KCND2: variants seen among roughly 807,000 people sequenced by gnomAD.
The protein encoded by KCND2 is potassium voltage-gated channel subfamily D member 2.
Under a neutral mutation model 54.4 loss-of-function variants are expected in KCND2, and 16 were observed. That is an observed-to-expected ratio of 0.29 (90% CI 0.20 to 0.45). The LOEUF (loss-of-function observed/expected upper bound fraction) is 0.45, where lower values mean the gene tolerates loss of function less well. Ranked by LOEUF, KCND2 falls within the 20% of genes least tolerant of loss-of-function variation. The pLI, the probability that KCND2 is intolerant of heterozygous loss-of-function variation, is 1.00. For missense variants in KCND2, 486 were observed against 824.2 expected (o/e 0.59, Z 5.02); for synonymous variants, 317 against 310.7 (o/e 1.02, Z -0.21).
At chr7:120,559,410 T>C (rs1792205446) in intron 1 of KCND2, among the ~76,000 whole-genome samples, 1 of 152,144 alleles carries the variant, frequency 6.6e-6, no homozygotes, top group Non-Finnish European at 1.5e-5. Context: ...TTCTTCTCAT[T>C]CTGCAGATGA....
intron 1 of KCND2, among the ~76,000 whole-genome samples, chr7:120,690,878 G>A (rs151247394): frequency 7.2e-5 from 11 of 152,272 alleles, no homozygotes; most frequent in African/African-American, 2.4e-4. Flanking sequence ...GTATGTTAGA[G>A]GGTAATGCAT....
intron 1 of KCND2, among the ~76,000 whole-genome samples, chr7:120,299,725 A>G (rs1428524970): frequency 6.6e-6 from 1 of 152,180 alleles, no homozygotes; most frequent in Non-Finnish European, 1.5e-5. Context: ...CGTTCCACAG[A>G]GTAGAAAGAA....
At chr7:120,728,273 GTTC>G (rs1357961054) in intron 1 of KCND2, among the ~76,000 whole-genome samples, 31 of 149,246 alleles carry the variant, frequency 2.1e-4, no homozygotes, top group Non-Finnish European at 3.9e-4. Context: ...CTCTTGTTTC[GTTC>G]TTCTTCTTTT....
At chr7:120,717,677 C>A (rs1584894892) in intron 1 of KCND2, among the ~76,000 whole-genome samples, 1 of 152,016 alleles carries the variant, frequency 6.6e-6, no homozygotes, top group Non-Finnish European at 1.5e-5. Context: ...GATTATCCTG[C>A]AGCTAGGAGG....
At chr7:120,727,642 C>G (rs866844523) in intron 1 of KCND2, among the ~76,000 whole-genome samples, 2 of 152,008 alleles carry the variant, frequency 1.3e-5, no homozygotes, top group Non-Finnish European at 2.9e-5. Context: ...TTGGGAAGTA[C>G]GCAAATTTAG....
intron 1 of KCND2, among the ~76,000 whole-genome samples, chr7:120,681,172 T>G (rs1476189959): frequency 6.6e-6 from 1 of 152,080 alleles, no homozygotes; most frequent in Non-Finnish European, 1.5e-5. Flanking sequence ...AGAGTTGACA[T>G]TGCCCAGGAA....
chr7:120,621,040 T>G (rs1398710252), intron 1 of KCND2, among the ~76,000 whole-genome samples: 2 of 151,958 alleles, frequency 1.3e-5, no homozygotes, highest in Admixed American at 6.6e-5. Flanking sequence ...TTTGAGAGGC[T>G]GAGGCGAGTG....
intron 1 of KCND2, among the ~76,000 whole-genome samples, chr7:120,662,947 TATATAAGAGTCCTAAGC>T (rs1476986630): frequency 6.6e-6 from 1 of 152,162 alleles, no homozygotes. Flanking sequence ...CTCACCCTTG[TATATAAGAGTCCTAAGC>T]AGGAATATGA....
intron 1 of KCND2, among the ~76,000 whole-genome samples, chr7:120,360,598 G>C (rs1278773058): frequency 1.3e-5 from 2 of 152,100 alleles, no homozygotes; most frequent in Non-Finnish European, 2.9e-5. Context: ...AGACTGAGTA[G>C]TCTAAATAAA....
At chr7:120,542,075 A>G (rs1791986313) in intron 1 of KCND2, among the ~76,000 whole-genome samples, 1 of 152,130 alleles carries the variant, frequency 6.6e-6, no homozygotes, top group African/African-American at 2.4e-5. Context: ...TTTGCTTAAC[A>G]CAAGTGGGTA....
chr7:120,305,592 A>G (rs1478658870), intron 1 of KCND2, among the ~76,000 whole-genome samples: 1 of 152,074 alleles, frequency 6.6e-6, no homozygotes, highest in Non-Finnish European at 1.5e-5. Flanking sequence ...TGCTATTTGC[A>G]TTTTACATTT....
At chr7:120,507,334 GCAGAGA>G (rs1442774305) in intron 1 of KCND2, among the ~76,000 whole-genome samples, 1 of 151,788 alleles carries the variant, frequency 6.6e-6, no homozygotes, top group African/African-American at 2.4e-5. Flanking sequence ...AACCTATGTG[GCAGAGA>G]CTTCTAGTTA....
chr7:120,524,670 T>C (rs116752492), intron 1 of KCND2, among the ~76,000 whole-genome samples: 3 of 152,334 alleles, frequency 2.0e-5, no homozygotes, highest in African/African-American at 7.2e-5. Flanking sequence ...GCTCAGGATA[T>C]ACTTTATTCA....
intron 1 of KCND2, among the ~76,000 whole-genome samples, chr7:120,443,173 A>G (rs929078240): frequency 6.6e-6 from 1 of 152,002 alleles, no homozygotes; most frequent in African/African-American, 2.4e-5. Flanking sequence ...CATTTGTGGC[A>G]CTTGCTTTCC....
chr7:120,310,456 G>A (rs552847727), intron 1 of KCND2, among the ~76,000 whole-genome samples: 2 of 152,044 alleles, frequency 1.3e-5, no homozygotes, highest in Middle Eastern at 3.4e-3. Flanking sequence ...ATTGGCATCT[G>A]TCAACTATAA....
At chr7:120,589,487 T>G (rs1307250306) in intron 1 of KCND2, among the ~76,000 whole-genome samples, 1 of 152,068 alleles carries the variant, frequency 6.6e-6, no homozygotes, top group African/African-American at 2.4e-5. Context: ...GTAAGACTTG[T>G]CAAGGAGACA....
intron 1 of KCND2, among the ~76,000 whole-genome samples, chr7:120,693,571 G>A (rs1029388822): frequency 8.5e-5 from 13 of 152,152 alleles, no homozygotes; most frequent in Non-Finnish European, 1.9e-4. Flanking sequence ...GAGAGATGAA[G>A]TGGAGGAAGA....
chr7:120,309,237 A>G (rs1263551074), intron 1 of KCND2, among the ~76,000 whole-genome samples: 4 of 152,184 alleles, frequency 2.6e-5, no homozygotes, highest in African/African-American at 9.6e-5. Flanking sequence ...CGCTCTTCGC[A>G]GATTCTGGCA....
At chr7:120,514,691 T>C (rs1275943538) in intron 1 of KCND2, among the ~76,000 whole-genome samples, 2 of 152,088 alleles carry the variant, frequency 1.3e-5, no homozygotes, top group African/African-American at 4.8e-5. Context: ...GAAGACAATT[T>C]TTCCATGGAC....
Sources: allele counts gnomAD v4.1 joint callset (sites outside exome capture counted in the v4.1 genomes callset), GRCh38; gene constraint gnomAD v4.1.1; transcripts MANE v1.5; gene names NCBI Gene and HGNC (gene_info 2026-07-23, HGNC 2026-07-21).